The following SRD5A2 variants were observed in gnomAD, a reference collection of about 807,000 sequenced individuals.
SRD5A2 encodes steroid 5 alpha-reductase 2.
SRD5A2 carries 30 observed loss-of-function variants against 27.4 expected under a neutral mutation model. That is an observed-to-expected ratio of 1.10 (90% confidence interval 0.82 to 1.49). The LOEUF (loss-of-function observed/expected upper bound fraction) is 1.49. Among genes scored for constraint, SRD5A2 ranks in the 40% most tolerant of loss-of-function variants. SRD5A2 has a pLI of 0.00. For missense variants in SRD5A2, 348 were observed against 323.4 expected, an observed-to-expected ratio of 1.08 and a Z score of -0.58; for synonymous variants, 141 against 133.6, an observed-to-expected ratio of 1.06 and a Z score of -0.38.
intron 1 of SRD5A2, among the ~76,000 whole-genome samples, chr2:31,538,233 C>T (rs1389251680): frequency 1.3e-5 from 2 of 152,178 alleles, no homozygotes; most frequent in South Asian, 2.1e-4. Flanking sequence ...GCACTTCCCT[C>T]GGTCTTCCCC....
the SRD5A2 span, among the ~76,000 whole-genome samples, chr2:31,659,059 T>A: frequency 2.6e-5 from 4 of 152,218 alleles, no homozygotes; most frequent in East Asian, 7.7e-4. Flanking sequence ...GGTTAACATA[T>A]GCAAATCAAT....
chr2:31,644,444 A>AT, the SRD5A2 span, among the ~76,000 whole-genome samples: 3 of 152,092 alleles, frequency 2.0e-5, 1 homozygote, highest in South Asian at 6.2e-4. Flanking sequence ...ATGGAAGACA[A>AT]TTTTTTGGGA....
chr2:31,584,936 C>A (rs143769916), upstream of SRD5A2, among the ~76,000 whole-genome samples: 1 of 152,348 alleles, frequency 6.6e-6, no homozygotes, highest in Admixed American at 6.5e-5. Context: ...ACTGAAGCCA[C>A]CCCTCCATCA....
Position 31,539,701 on chromosome 2 carries a change from G to A in SRD5A2, c.282-5935C>T, listed in dbSNP as rs529256065. 6.6e-5 allele frequency among the ~76,000 whole-genome samples: 10 copies of A among 152,130 alleles called. No homozygotes were observed. In the South Asian group the frequency reaches 1.0e-3, roughly 16 times the overall value. ...CTAGTGGAGAGTTGGAATATTCACC[G>A]TTTCCCAGTGACAACAAGGCCACCT... On this transcript the variant is annotated intron_variant, in intron 1 of 4. Coordinates refer to ENST00000622030, the MANE Select transcript of SRD5A2 (RefSeq NM_000348.4).
At chr2:31,590,291 A>G in the SRD5A2 span, among the ~76,000 whole-genome samples, 1 of 152,152 alleles carries the variant, frequency 6.6e-6, no homozygotes, top group Admixed American at 6.5e-5. Context: ...ACACAGGGCA[A>G]GATTATATCC....
At chr2:31,573,072 A>G (rs924229817) in intron 1 of SRD5A2, among the ~76,000 whole-genome samples, 7 of 152,138 alleles carry the variant, frequency 4.6e-5, no homozygotes, top group African/African-American at 1.7e-4. Flanking sequence ...CCTTTTCCCA[A>G]CAGACATCAT....
the SRD5A2 span, among the ~76,000 whole-genome samples, chr2:31,631,337 A>T: frequency 2.0e-5 from 3 of 152,280 alleles, no homozygotes; most frequent in African/African-American, 7.2e-5. Flanking sequence ...AGTGAGCATA[A>T]CTAATCCGAT....
At chr2:31,632,400 G>T in the SRD5A2 span, among the ~76,000 whole-genome samples, 1 of 152,158 alleles carries the variant, frequency 6.6e-6, no homozygotes, top group Non-Finnish European at 1.5e-5. Context: ...GCCTCCCCCT[G>T]TCCATGCCCC....
rs1264523669 is a variant in SRD5A2 at position 31,525,664 on chromosome 2, CT to C, written c.*531del. The C allele has an allele frequency of 8.8e-6, 2 of 228,236 alleles. No individual in the cohort carries two copies. Among genetic ancestry groups the C allele is most frequent in the Admixed American group, 1.1e-4 (2 of 17,634 alleles). 14.1% of individuals were successfully genotyped at this position (228,236 alleles called of 1,614,324 possible). On this transcript the variant is annotated 3_prime_UTR_variant, in exon 5 of 5. Coordinates refer to ENST00000622030, the MANE Select transcript of SRD5A2 (RefSeq NM_000348.4). The stretch of plus-strand genomic sequence containing the variant: ...CAAGGTCTACCTAATAATTTCTCAT[CT>C]TTCCTAATTAACCAAGAAAAAGGAA...
At chr2:31,651,278 C>A in the SRD5A2 span, 1 of 152,988 alleles carries the variant, frequency 6.5e-6, no homozygotes, top group South Asian at 2.1e-4. Context: ...AAAAAATTAT[C>A]CCATAGATAA....
upstream of SRD5A2, among the ~76,000 whole-genome samples, chr2:31,583,271 A>G (rs965416233): frequency 5.9e-5 from 9 of 152,230 alleles, no homozygotes; most frequent in African/African-American, 2.2e-4. Context: ...AGAGTAGAAG[A>G]AACACACAAG....
At chr2:31,653,193 C>T in the SRD5A2 span, among the ~76,000 whole-genome samples, 6 of 152,270 alleles carry the variant, frequency 3.9e-5, no homozygotes, top group Non-Finnish European at 7.4e-5. Context: ...CCAAGGGTTT[C>T]CTCTTGTAAG....
At chr2:31,620,855 G>A in the SRD5A2 span, among the ~76,000 whole-genome samples, 20 of 146,548 alleles carry the variant, frequency 1.4e-4, no homozygotes, top group Middle Eastern at 7.3e-3. Flanking sequence ...GTGAATCCAC[G>A]ATGGTCTCAA....
the SRD5A2 span, among the ~76,000 whole-genome samples, chr2:31,626,773 G>A: frequency 3.9e-5 from 6 of 152,108 alleles, no homozygotes; most frequent in African/African-American, 1.4e-4. Context: ...TTATATTGAG[G>A]ATTTTTGCGT....
intron 2 of SRD5A2, among the ~76,000 whole-genome samples, chr2:31,532,794 T>C (rs1232122918): frequency 6.9e-6 from 1 of 144,056 alleles, no homozygotes; most frequent in Non-Finnish European, 1.5e-5. Flanking sequence ...GGGCAGGGGA[T>C]GGTAGGGGAG....
At chr2:31,639,939 G>C in the SRD5A2 span, among the ~76,000 whole-genome samples, 4 of 151,944 alleles carry the variant, frequency 2.6e-5, no homozygotes, top group Non-Finnish European at 5.9e-5. Context: ...TCTTCCCCTT[G>C]CTCTTGTTCA....
the SRD5A2 span, among the ~76,000 whole-genome samples, chr2:31,598,966 T>G: frequency 6.6e-6 from 1 of 151,956 alleles, no homozygotes; most frequent in Non-Finnish European, 1.5e-5. Flanking sequence ...TGAAAATAAA[T>G]GAATGGAAAA....
At chr2:31,589,743 CG>C in the SRD5A2 span, among the ~76,000 whole-genome samples, 1 of 151,856 alleles carries the variant, frequency 6.6e-6, no homozygotes, top group Non-Finnish European at 1.5e-5. Context: ...TGTGCAGAAA[CG>C]GGGTGGGGGG....
the SRD5A2 span, among the ~76,000 whole-genome samples, chr2:31,601,787 T>G: frequency 1.3e-5 from 2 of 152,066 alleles, no homozygotes; most frequent in African/African-American, 4.8e-5. Context: ...ATTCATCACA[T>G]AAACAGAATG....
Sources: gnomAD v4.1 joint callset for allele counts (sites outside exome capture counted in the v4.1 genomes callset) on GRCh38, gnomAD v4.1.1 for gene constraint, MANE v1.5 for transcripts, NCBI Gene and HGNC (gene_info 2026-07-23, HGNC 2026-07-21) for gene names.